Variants in UACA observed in about 807,000 individuals in gnomAD.
UACA encodes uveal autoantigen with coiled-coil domains and ankyrin repeats, also known as nuclear membrane binding protein.
In UACA, 112 loss-of-function variants were observed where a neutral mutation model predicts 160.5. The observed-to-expected ratio is 0.70, with a 90% CI of 0.60 to 0.82. The LOEUF is 0.82. Among genes scored for constraint, UACA ranks in the 40% least tolerant of loss-of-function variants. The probability of loss-of-function intolerance (pLI) is 0.00; values close to 1 mark genes in which losing one functional copy is unlikely to be tolerated. For missense variants in UACA, 1,574 were observed against 1,614.6 expected (o/e 0.97, Z 0.43); for synonymous variants, 557 against 568.4 (o/e 0.98, Z 0.29).
chr15:70,661,821 T>A (rs1896715123), intron 17 of UACA: 1 of 152,160 alleles, frequency 6.6e-6, no homozygotes, highest in African/African-American at 2.4e-5. Flanking sequence ...CTTTTCATGC[T>A]AAAAACTCTC....
intron 11 of UACA, 126 bp from the exon 12 acceptor site, chr15:70,677,266 G>T: frequency 1.6e-6 from 1 of 627,242 alleles, no homozygotes; most frequent in Non-Finnish European, 2.8e-6. Context: ...GATATGAGAA[G>T]AAAATTATGT....
chr15:70,664,517 T>A (rs566502334), intron 17 of UACA, 145 bp downstream of exon 17: 476 of 917,736 alleles, frequency 5.2e-4, no homozygotes, highest in Non-Finnish European at 6.7e-4. Context: ...ACCACCAGTA[T>A]AGGTAACTTT....
chr15:70,703,282 A>G (rs1034463280), intron 1 of UACA: 1 of 1,286,118 alleles, frequency 7.8e-7, no homozygotes, highest in African/African-American at 1.5e-5. Context: ...TTTCATGGGA[A>G]TGCAAAACAT....
chr15:70,663,373 G>A (rs1896786783), intron 17 of UACA, among the ~76,000 whole-genome samples: 1 of 152,146 alleles, frequency 6.6e-6, no homozygotes, highest in African/African-American at 2.4e-5. Flanking sequence ...GTGCTGGAGA[G>A]GATGTGGAGA....
At chr15:70,698,551 C>T (rs778276215) in intron 2 of UACA, among the ~76,000 whole-genome samples, 5 of 152,144 alleles carry the variant, frequency 3.3e-5, no homozygotes, top group Non-Finnish European at 7.3e-5. Flanking sequence ...CTCTTAAAAA[C>T]TACTTAATTT....
chr15:70,722,989 C>A (rs1490096266), intron 1 of UACA, among the ~76,000 whole-genome samples: 1 of 152,190 alleles, frequency 6.6e-6, no homozygotes, highest in East Asian at 1.9e-4. Flanking sequence ...GAGTGAATTT[C>A]TATTAACCAA....
intron 1 of UACA, among the ~76,000 whole-genome samples, chr15:70,755,133 A>C (rs539388148): frequency 1.3e-5 from 2 of 152,356 alleles, no homozygotes; most frequent in Non-Finnish European, 2.9e-5. Context: ...TATAACGTTC[A>C]AATCTATTAT....
chr15:70,700,244 C>CCA (rs1191593327), intron 1 of UACA, among the ~76,000 whole-genome samples: 4 of 148,188 alleles, frequency 2.7e-5, no homozygotes, highest in African/African-American at 1.0e-4. Context: ...CTACCCCCCC[C>CCA]CAACACAGAC....
chr15:70,744,581 G>A (rs1434478975), intron 1 of UACA, among the ~76,000 whole-genome samples: 1 of 152,124 alleles, frequency 6.6e-6, no homozygotes. Context: ...ACCAAGCAAG[G>A]CTGACACTTG....
rs562737983 is a variant in UACA, at chr15:70,748,184, A to G, written c.78+15146T>C. ...AAATGGGGGCAATTTAAATGGCTTA[A>G]TATTTAATTAAGAACTTCAATAAAT... On this transcript the variant is annotated intron_variant, in intron 1 of 18. Transcript: ENST00000322954. Among the ~76,000 whole-genome samples, 9 of 152,320 alleles carry G rather than the reference A, an allele frequency of 5.9e-5. No homozygotes were observed. In the South Asian group the frequency reaches 1.9e-3, roughly 32 times the overall value.
intron 1 of UACA, among the ~76,000 whole-genome samples, chr15:70,728,100 A>G (rs916469013): frequency 6.6e-6 from 1 of 152,232 alleles, no homozygotes; most frequent in East Asian, 1.9e-4. Flanking sequence ...GATCTTTGAC[A>G]AGGCTGACAA....
At chr15:70,728,275 T>C (rs1255382545) in intron 1 of UACA, among the ~76,000 whole-genome samples, 1 of 152,092 alleles carries the variant, frequency 6.6e-6, no homozygotes. Flanking sequence ...ATAAAAATCA[T>C]AGAAGAGGCC....
intron 13 of UACA, among the ~76,000 whole-genome samples, chr15:70,675,447 CT>C (rs1897277233): frequency 6.6e-6 from 1 of 152,056 alleles, no homozygotes; most frequent in South Asian, 2.1e-4. Flanking sequence ...ATATGCATAC[CT>C]TTTGTAATTA....
At position 70,729,716 on chromosome 15, in the gene UACA, C is replaced by T. The variant is rs559236556; in HGVS notation, c.79-30056G>A. ...GGTCTACAGCTCCCAGCGTGAGCGA[C>T]GCAGAAGACGGTGATTTCTGCATTT... On this transcript the variant is annotated intron_variant, in intron 1 of 18. Transcript: ENST00000322954. 7.6e-4 allele frequency among the ~76,000 whole-genome samples: 109 copies of T among 142,952 alleles called. 18 individuals are homozygous for T. Among genetic ancestry groups the T allele is most frequent in the African/African-American group, 3.2e-3 (109 of 34,370 alleles). 93.8% of individuals were successfully genotyped at this position (142,952 alleles called of 152,430 possible). A position where few individuals can be genotyped will look rare whatever the true frequency, so the allele number is the denominator to read the frequency against.
rs1180399941 is a variant in UACA at position 70,692,540 on chromosome 15, G to A, written c.302-1177C>T. On this transcript the variant is annotated intron_variant, in intron 3 of 18. Transcript: ENST00000322954. Reference sequence around the variant, plus strand: ...AATCCCAGCACTTTGAGAGGCCTAGGCAGGTGTATTGCTTGAGCCTGGGAG... The same window carrying A: ...AATCCCAGCACTTTGAGAGGCCTAGACAGGTGTATTGCTTGAGCCTGGGAG... Among the ~76,000 whole-genome samples the A allele has an allele frequency of 2.6e-5, 4 of 152,196 alleles. No homozygotes were observed. In the East Asian group the frequency reaches 7.7e-4, roughly 29 times the overall value.
At chr15:70,777,740 A>T in the UACA span, among the ~76,000 whole-genome samples, 1 of 152,148 alleles carries the variant, frequency 6.6e-6, no homozygotes, top group Non-Finnish European at 1.5e-5. Context: ...AACAAAAGTG[A>T]CTCATTGGCT....
Position 70,668,918 on chromosome 15 carries a change from T to G in UACA, c.1766A>C (p.Lys589Thr). 1.2e-6 allele frequency: 2 copies of G among 1,613,546 alleles called. No individual in the cohort carries two copies. The highest frequency in any genetic ancestry group is 1.3e-5 in the African/African-American group (1 of 74,960). ...CATACTAAGTTCCTTCTGTAATCGC[T>G]TATTTTCTTCTATCAGCTTGCCTTC... ...RDEGKLIEEN[K>T]RLQKELSMCE... The change falls in exon 16 of 19, where the codon AAG becomes ACG. Residue 589 changes from lysine (K) to threonine (T), a missense_variant. By Grantham distance (78) the Lys-to-Thr change is moderately conservative. Coordinates refer to ENST00000322954, the MANE Select transcript of UACA (RefSeq NM_018003.4).
At chr15:70,705,348 G>A (rs1212757142) in intron 1 of UACA, among the ~76,000 whole-genome samples, 5 of 151,980 alleles carry the variant, frequency 3.3e-5, no homozygotes, top group Non-Finnish European at 7.4e-5. Flanking sequence ...GACCAATGGG[G>A]TTTAGTAGAG....
rs747020540 is a variant in UACA, at chr15:70,667,636, A to G, written c.3048T>C (p.Tyr1016=). The G allele has an allele frequency of 1.9e-6, 3 of 1,612,866 alleles. No individual in the cohort carries two copies. Among genetic ancestry groups the G allele is most frequent in the Non-Finnish European group, 2.5e-6 (3 of 1,179,972 alleles). Residue 1016 remains tyrosine (Y), a synonymous_variant, in exon 16 of 19, where the codon TAT becomes TAC. Coordinates refer to ENST00000322954, the MANE Select transcript of UACA (RefSeq NM_018003.4). ...TCTTGACTTCTTCTTCACTGACACT[A>G]TACTTTTGTGTCTGCTCTGATAACT... ...KDQLSEQTQK[Y]SVSEEEVKKN...
Sources: gnomAD v4.1 joint callset for allele counts (sites outside exome capture counted in the v4.1 genomes callset) on GRCh38, gnomAD v4.1.1 for gene constraint, MANE v1.5 for transcripts, NCBI Gene and HGNC (gene_info 2026-07-23, HGNC 2026-07-21) for gene names.